The following COL23A1 variants were observed in gnomAD, a reference collection of about 807,000 sequenced individuals.
COL23A1 encodes collagen alpha-1(XXIII) chain.
In COL23A1, 97 loss-of-function variants were observed where a neutral mutation model predicts 99.3. The observed-to-expected ratio is 0.98, with a 90% confidence interval of 0.83 to 1.16. The LOEUF is 1.16. COL23A1 is among the 50% of genes most tolerant of loss of function. The pLI, the probability that COL23A1 is intolerant of heterozygous loss-of-function variation, is 0.00. For synonymous variants in COL23A1, 320 were observed against 308.2 expected, an observed-to-expected ratio of 1.04 and a Z score of -0.40; for missense variants, 762 against 757.4, an observed-to-expected ratio of 1.01 and a Z score of -0.07.
intron 1 of COL23A1, among the ~76,000 whole-genome samples, chr5:178,568,670 CA>C (rs754470927): frequency 5.3e-5 from 8 of 152,246 alleles, no homozygotes; most frequent in Non-Finnish European, 1.0e-4. Flanking sequence ...TTCACATAAG[CA>C]GAATCAACAC....
intron 3 of COL23A1, among the ~76,000 whole-genome samples, chr5:178,304,465 G>A (rs1243595675): frequency 7.6e-6 from 1 of 132,202 alleles, no homozygotes; most frequent in Non-Finnish European, 1.5e-5. Context: ...AGCTGAGATT[G>A]TGCCACTGCA....
intron 2 of COL23A1, among the ~76,000 whole-genome samples, chr5:178,516,972 G>A (rs1054308778): frequency 9.2e-5 from 14 of 152,226 alleles, no homozygotes; most frequent in Non-Finnish European, 1.3e-4. Flanking sequence ...TGTGGAAAGC[G>A]CCTGTCACTG....
At chr5:178,295,739 T>C (rs1402936649) in intron 3 of COL23A1, among the ~76,000 whole-genome samples, 1 of 152,212 alleles carries the variant, frequency 6.6e-6, no homozygotes, top group South Asian at 2.1e-4. Context: ...ATGGAACTGA[T>C]TAAATAGAGG....
intron 2 of COL23A1, among the ~76,000 whole-genome samples, chr5:178,413,023 C>CAAAA (rs34110305): frequency 2.2e-4 from 32 of 148,382 alleles, no homozygotes; most frequent in African/African-American, 7.9e-4. Flanking sequence ...CCCATTTCTA[C>CAAAA]AAAAAAAAAA....
chr5:178,325,773 T>C (rs1265810812), intron 2 of COL23A1, among the ~76,000 whole-genome samples: 1 of 152,228 alleles, frequency 6.6e-6, no homozygotes, highest in Non-Finnish European at 1.5e-5. Flanking sequence ...CCAATGACCA[T>C]GCAAAGAGGC....
At chr5:178,583,736 G>A (rs907504806) in intron 1 of COL23A1, among the ~76,000 whole-genome samples, 4 of 152,214 alleles carry the variant, frequency 2.6e-5, no homozygotes, top group African/African-American at 7.2e-5. Context: ...TGGGGAGAGT[G>A]AGGGCATCCT....
intron 2 of COL23A1, among the ~76,000 whole-genome samples, chr5:178,555,012 A>T (rs262012): frequency 6.6e-6 from 1 of 151,972 alleles, no homozygotes; most frequent in Non-Finnish European, 1.5e-5. Context: ...CTGGGTGTGG[A>T]CATAAAAAGG....
rs558053369 is a variant in COL23A1, at chr5:178,243,976, C to G, written c.1441-1582G>C. On this transcript the variant is annotated intron_variant, in intron 25 of 28. Coordinates refer to ENST00000390654, the MANE Select transcript of COL23A1 (RefSeq NM_173465.4). ...CCTTTCCCTCGTCCACAGTTGCTCT[C>G]CCAGGTAATGTTCTTTTTTTTGAGA... is the stretch of plus-strand genomic sequence containing the variant. Among the ~76,000 whole-genome samples the G allele has an allele frequency of 3.4e-4, 52 of 152,134 alleles. 1 individual carries two copies. Among genetic ancestry groups the G allele is most frequent in the Non-Finnish European group, 5.7e-4 (39 of 68,020 alleles).
chr5:178,372,293 A>G (rs1417517593), intron 2 of COL23A1, among the ~76,000 whole-genome samples: 1 of 152,178 alleles, frequency 6.6e-6, no homozygotes, highest in Non-Finnish European at 1.5e-5. Context: ...CAATTTATAC[A>G]CTTGGCAGGA....
At chr5:178,487,658 C>T (rs1757709176) in intron 2 of COL23A1, among the ~76,000 whole-genome samples, 1 of 152,300 alleles carries the variant, frequency 6.6e-6, no homozygotes, top group Non-Finnish European at 1.5e-5. Context: ...CCAACTGCCA[C>T]AGCGTCTCCT....
intron 2 of COL23A1, among the ~76,000 whole-genome samples, chr5:178,337,325 C>T (rs534485243): frequency 3.9e-4 from 60 of 152,366 alleles, no homozygotes; most frequent in Non-Finnish European, 5.6e-4. Context: ...CAGAGGTTCC[C>T]GTGGGAGTTG....
At chr5:178,471,143 G>C (rs182086861) in intron 2 of COL23A1, among the ~76,000 whole-genome samples, 1 of 152,346 alleles carries the variant, frequency 6.6e-6, no homozygotes, top group East Asian at 1.9e-4. Flanking sequence ...GCAGTTAAGA[G>C]AGAGTTACTC....
At chr5:178,321,996 CTT>C (rs34320293) in intron 2 of COL23A1, among the ~76,000 whole-genome samples, 30 of 142,628 alleles carry the variant, frequency 2.1e-4, no homozygotes, top group Admixed American at 4.1e-4. Flanking sequence ...TAATTTTTAA[CTT>C]TTTTTTTTTT....
At chr5:178,290,530 TG>T (rs1353531484) in intron 3 of COL23A1, among the ~76,000 whole-genome samples, 161 bp from the exon 4 acceptor site, 1 of 152,088 alleles carries the variant, frequency 6.6e-6, no homozygotes, top group Non-Finnish European at 1.5e-5. Context: ...GGCCTGAAGC[TG>T]GGGGCAGAGC....
chr5:178,278,713 AGGAGCAG>A (rs1251091583), intron 5 of COL23A1, among the ~76,000 whole-genome samples: 6 of 152,106 alleles, frequency 3.9e-5, no homozygotes, highest in Non-Finnish European at 8.8e-5. Flanking sequence ...TGCACAGTGA[AGGAGCAG>A]GGTACATCCT....
At chr5:178,469,372 G>C (rs1055623556) in intron 2 of COL23A1, among the ~76,000 whole-genome samples, 2 of 152,128 alleles carry the variant, frequency 1.3e-5, no homozygotes, top group African/African-American at 2.4e-5. Context: ...ATCCCTCCCT[G>C]GTCCCAGCCT....
Position 178,554,181 on chromosome 5 carries a change from CTTTT to C in COL23A1, c.361+6497_361+6500del, listed in dbSNP as rs981887287. Among the ~76,000 whole-genome samples the C allele has an allele frequency of 3.4e-5, 5 of 147,414 alleles. No homozygotes were observed. The South Asian group carries it at 1.1e-3, about 32-fold the overall frequency. ...GGTGTGTTTTATTTTTTCCTTTCTTCTTTTTTTTTTTCTTTGAGATGGAGTCTCG... is the reference window on the plus strand; with the variant it reads ...GGTGTGTTTTATTTTTTCCTTTCTTCTTTTTTTCTTTGAGATGGAGTCTCG... On this transcript the variant is annotated intron_variant, in intron 2 of 28. Transcript: ENST00000390654.
intron 2 of COL23A1, among the ~76,000 whole-genome samples, chr5:178,457,221 T>G (rs67405022): frequency 0.35 from 53,061 of 152,038 alleles, 11,207 homozygotes; most frequent in Admixed American, 0.51. Context: ...TCTTTTTTTC[T>G]TTTTTCTTTT....
Position 178,268,724 on chromosome 5 carries a change from A to G in COL23A1, c.495+6T>C. On this transcript the variant is annotated splice_donor_region_variant and intron_variant, in intron 7 of 28. Coordinates refer to ENST00000390654, the MANE Select transcript of COL23A1 (RefSeq NM_173465.4). ...CCACATCTGCACAGCCTCTGGCATC[A>G]CTTACCTTTTCCCCTTTCGGGCCTG... The G allele has an allele frequency of 6.2e-7, 1 of 1,603,768 alleles. No homozygotes were observed. Among genetic ancestry groups the G allele is most frequent in the Non-Finnish European group, 8.5e-7 (1 of 1,173,536 alleles).
Sources: gnomAD v4.1 joint callset for allele counts (sites outside exome capture counted in the v4.1 genomes callset) on GRCh38, gnomAD v4.1.1 for gene constraint, MANE v1.5 for transcripts, NCBI Gene and HGNC (gene_info 2026-07-23, HGNC 2026-07-21) for gene names.